HOXD1: variants seen among roughly 807,000 people sequenced by gnomAD.
The protein encoded by HOXD1 is homeobox D1.
In HOXD1, 17 loss-of-function variants were observed where a neutral mutation model predicts 19.9. The ratio of observed to expected loss-of-function variants is 0.85; its 90% CI spans 0.58 to 1.28. The LOEUF (loss-of-function observed/expected upper bound fraction) is 1.28, where lower values mean the gene tolerates loss of function less well. HOXD1 is among the 50% of genes most tolerant of loss of function. The pLI, the probability that HOXD1 is intolerant of heterozygous loss-of-function variation, is 0.00. For synonymous variants in HOXD1, 239 were observed against 216.0 expected (o/e 1.11, Z -0.93); for missense variants, 500 against 460.1 (o/e 1.09, Z -0.79).
Position 176,189,248 on chromosome 2 carries a change from C to A in HOXD1, c.447C>A (p.Ser149Arg), listed in dbSNP as rs761505327. The A allele has an allele frequency of 1.3e-6, 2 of 1,597,166 alleles. No homozygotes were observed. Among genetic ancestry groups the A allele is most frequent in the Non-Finnish European group, 1.7e-6 (2 of 1,172,724 alleles). The stretch of plus-strand genomic sequence containing the variant: ...CGGGCGGCGGCTCTTTCCTCCTCAG[C>A]GGCCAGGTGGATTACGCGGCCTTCG... ...VFSGGGSFLLSGQVDYAAFGE... is the reference protein window; with the variant it reads ...VFSGGGSFLLRGQVDYAAFGE... Residue 149 changes from serine (S) to arginine (R), a missense_variant, in exon 1 of 2, where the codon AGC (serine) becomes AGA (arginine). Coordinates refer to ENST00000331462, the MANE Select transcript of HOXD1 (RefSeq NM_024501.3).
In HOXD1 at chr2:176,190,285, A is replaced by G. The variant is rs1202694218; in HGVS notation, c.*143A>G. 2 of 624,090 alleles carry G rather than the reference A, an allele frequency of 3.2e-6. No homozygotes were observed. The highest frequency in any genetic ancestry group is 1.8e-5 in the African/African-American group (1 of 54,112). 38.7% of individuals were successfully genotyped at this position (624,090 alleles called of 1,614,324 possible). A position where few individuals can be genotyped will look rare whatever the true frequency, so the allele number is the denominator to read the frequency against. Reference sequence around the variant, plus strand: ...TTTCACTTGGGAAATGAAGTACTTTAGTTGGCTTCCGAGTTCCAGACTATA... The same window carrying G: ...TTTCACTTGGGAAATGAAGTACTTTGGTTGGCTTCCGAGTTCCAGACTATA... On this transcript the variant is annotated 3_prime_UTR_variant, in exon 2 of 2. Transcript: ENST00000331462.
At position 176,189,931 on chromosome 2, in the gene HOXD1, G is replaced by T; in HGVS notation, c.776G>T (p.Arg259Leu). ...HFNKYLTRAR[R>L]IEIANCLHLN... is the part of the protein sequence containing the mutation. Reference sequence around the variant, plus strand: ...AATAAGTACTTAACTCGAGCCCGGCGCATCGAGATAGCCAACTGCTTGCAC... The same window carrying T: ...AATAAGTACTTAACTCGAGCCCGGCTCATCGAGATAGCCAACTGCTTGCAC... Residue 259 changes from arginine to leucine, a missense_variant, in exon 2 of 2, where the codon CGC becomes CTC. Transcript: ENST00000331462. The T allele has an allele frequency of 1.9e-6, 3 of 1,614,108 alleles. No individual in the cohort carries two copies. Among genetic ancestry groups the T allele is most frequent in the African/African-American group, 1.3e-5 (1 of 75,022 alleles).
rs1192139737 is a variant in HOXD1, at chr2:176,189,040, C to T, written c.239C>T (p.Pro80Leu). The change falls in exon 1 of 2, where the codon CCC becomes CTC. Residue 80 changes from proline to leucine, a missense_variant. By Grantham distance (98) the Pro-to-Leu change is moderately conservative. Transcript: ENST00000331462. ...ARPSVPPPAA[P>L]QYAQCTLEGA... ...CCGTCCGTACCGCCTCCGGCCGCGC[C>T]CCAGTACGCGCAGTGCACCCTGGAG... 4 of 1,416,174 alleles carry T rather than the reference C, an allele frequency of 2.8e-6. No individual in the cohort carries two copies. The highest frequency in any genetic ancestry group is 3.6e-6 in the Non-Finnish European group (4 of 1,100,698). 87.7% of individuals were successfully genotyped at this position (1,416,174 alleles called of 1,614,324 possible).
chr2:176,189,194 C>G lies in HOXD1; in HGVS notation c.393C>G (p.His131Gln), dbSNP rs1435122217. The G allele has an allele frequency of 6.3e-6, 10 of 1,577,452 alleles. No individual in the cohort carries two copies. Among genetic ancestry groups the G allele is most frequent in the East Asian group, 2.3e-5 (1 of 42,990 alleles). The part of the protein sequence containing the change: ...LGRAADDGGS[H>Q]VHYATSAVFS... ...GGGCGGCCGACGACGGCGGGTCTCA[C>G]GTCCACTACGCCACCTCGGCCGTCT... is the stretch of plus-strand genomic sequence containing the variant. The change falls in exon 1 of 2, where the codon CAC (histidine) becomes CAG (glutamine). Residue 131 changes from histidine to glutamine, a missense_variant. Transcript: ENST00000331462.
In HOXD1 at chr2:176,188,825, G is replaced by A; in HGVS notation, c.24G>A (p.Val8=). The A allele has an allele frequency of 6.2e-7, 1 of 1,608,984 alleles. No individual in the cohort carries two copies. The highest frequency in any genetic ancestry group is 8.5e-7 in the Non-Finnish European group (1 of 1,178,334). The change falls in exon 1 of 2, where the codon GTG becomes GTA. Residue 8 remains valine (V), a synonymous_variant. Transcript: ENST00000331462. MSSYLEY[V]SCSSSGGVGG... Reference sequence around the variant, plus strand: ...CCATGAGCTCCTACCTGGAGTACGTGTCATGCAGCAGCAGCGGCGGGGTCG... The same window carrying A: ...CCATGAGCTCCTACCTGGAGTACGTATCATGCAGCAGCAGCGGCGGGGTCG...
chr2:176,189,496 C>G lies in HOXD1; in HGVS notation c.652+43C>G, dbSNP rs370143100. 2.3e-5 allele frequency: 37 copies of G among 1,612,236 alleles called. No homozygotes were observed. In the African/African-American group the frequency reaches 4.8e-4, roughly 21 times the overall value. ...GGATGGGGCCACCTGGGGTTGGGGA[C>G]GGAGCCTCCCCCGCGGAAATGCGCT... On this transcript the variant is annotated intron_variant, in intron 1 of 1. Transcript: ENST00000331462.
rs750247936 is a variant in HOXD1 at position 176,188,892 on chromosome 2, G to A, written c.91G>A (p.Asp31Asn). Residue 31 changes from aspartate (D) to asparagine (N), a missense_variant, in exon 1 of 2, where the codon GAC (aspartate) becomes AAC (asparagine). Transcript: ENST00000331462. ...CTTGGCACCCAAGTTCTGCCGCTCC[G>A]ACGCCCGGCCCGTGGCTCTGCAGCC... ...LSLAPKFCRS[D>N]ARPVALQPAF... 18 of 1,593,458 alleles carry A rather than the reference G, an allele frequency of 1.1e-5. No individual in the cohort carries two copies. Among genetic ancestry groups the A allele is most frequent in the East Asian group, 2.3e-5 (1 of 43,854 alleles).
In HOXD1 at chr2:176,188,691, C is replaced by A; in HGVS notation, c.-111C>A. 8.8e-7 allele frequency: 1 copy of A among 1,140,746 alleles called. No homozygotes were observed. The highest frequency in any genetic ancestry group is 1.3e-6 in the Non-Finnish European group (1 of 782,126). 70.7% of individuals were successfully genotyped at this position (1,140,746 alleles called of 1,614,324 possible). On this transcript the variant is annotated 5_prime_UTR_variant, in exon 1 of 2. Coordinates refer to ENST00000331462, the MANE Select transcript of HOXD1 (RefSeq NM_024501.3). ...TCGCCATGGGTTGGAGAGGGCAGCT[C>A]GGGTAGAGAGGGCTGGCGGAGCGGC... is the stretch of plus-strand genomic sequence containing the variant.
Position 176,189,888 on chromosome 2 carries a change from G to GCC in HOXD1, c.733_734insCC (p.Glu245AlafsTer11). On this transcript the variant is annotated frameshift_variant, in exon 2 of 2. Coordinates refer to ENST00000331462, the MANE Select transcript of HOXD1 (RefSeq NM_024501.3). LOFTEE classifies it high-confidence loss of function. Reference sequence around the variant, plus strand: ...CAGCACCAAGCAACTGACAGAACTGGAAAAAGAGTTTCATTTCAATAAGTA... The same window carrying GCC: ...CAGCACCAAGCAACTGACAGAACTGGCCAAAAAGAGTTTCATTTCAATAAGTA... 6.2e-7 allele frequency: 1 copy of GCC among 1,614,162 alleles called. No homozygotes were observed. Among genetic ancestry groups the GCC allele is most frequent in the South Asian group, 1.1e-5 (1 of 91,074 alleles).
Position 176,188,883 on chromosome 2 carries a change from T to C in HOXD1, c.82T>C (p.Cys28Arg). 1.3e-6 allele frequency: 2 copies of C among 1,597,954 alleles called. No individual in the cohort carries two copies. The highest frequency in any genetic ancestry group is 1.7e-6 in the Non-Finnish European group (2 of 1,175,640). The change falls in exon 1 of 2, where the codon TGC becomes CGC. Residue 28 changes from cysteine to arginine, a missense_variant. By Grantham distance (180) the Cys-to-Arg change is radical. Transcript: ENST00000331462. The stretch of plus-strand genomic sequence containing the variant: ...CGTGCTCAGCTTGGCACCCAAGTTC[T>C]GCCGCTCCGACGCCCGGCCCGTGGC... ...GDVLSLAPKF[C>R]RSDARPVALQ...
In HOXD1 at chr2:176,190,007, G is replaced by A. The variant is rs368491456; in HGVS notation, c.852G>A (p.Gln284=). 17 of 1,613,974 alleles carry A rather than the reference G, an allele frequency of 1.1e-5. No individual in the cohort carries two copies. The East Asian group carries it at 2.5e-4, about 23-fold the overall frequency. Residue 284 remains glutamine (Q), a synonymous_variant, in exon 2 of 2, where the codon CAG becomes CAA. Coordinates refer to ENST00000331462, the MANE Select transcript of HOXD1 (RefSeq NM_024501.3). ...KIWFQNRRMK[Q]KKREREGLLA... is the part of the protein sequence containing the mutation. Reference sequence around the variant, plus strand: ...GGTTCCAGAACCGCAGGATGAAACAGAAGAAAAGGGAACGAGAAGGGCTTC... The same window carrying A: ...GGTTCCAGAACCGCAGGATGAAACAAAAGAAAAGGGAACGAGAAGGGCTTC...
In HOXD1 at chr2:176,189,059, C is replaced by T; in HGVS notation, c.258C>T (p.Thr86=). ...PPAAPQYAQC[T]LEGAYEPGAA... ...CCGCGCCCCAGTACGCGCAGTGCACCCTGGAGGGGGCCTACGAACCTGGTG... is the reference window on the plus strand; with the variant it reads ...CCGCGCCCCAGTACGCGCAGTGCACTCTGGAGGGGGCCTACGAACCTGGTG... Residue 86 remains threonine (T), a synonymous_variant, in exon 1 of 2, where the codon ACC becomes ACT. Transcript: ENST00000331462. The T allele has an allele frequency of 1.4e-6, 2 of 1,473,854 alleles. No individual in the cohort carries two copies. The highest frequency in any genetic ancestry group is 1.8e-6 in the Non-Finnish European group (2 of 1,122,584). 91.3% of individuals were successfully genotyped at this position (1,473,854 alleles called of 1,614,324 possible).
At position 176,190,869 on chromosome 2, in the gene HOXD1, G is replaced by T. The variant is rs957871872; in HGVS notation, c.*727G>T. 1.3e-5 allele frequency: 2 copies of T among 152,510 alleles called. No homozygotes were observed. Among genetic ancestry groups the T allele is most frequent in the African/African-American group, 2.4e-5 (1 of 41,376 alleles). The allele number at this position is 152,510 out of a possible 1,614,324, so 9.4% of individuals were successfully genotyped here. On this transcript the variant is annotated 3_prime_UTR_variant, in exon 2 of 2. Coordinates refer to ENST00000331462, the MANE Select transcript of HOXD1 (RefSeq NM_024501.3). The stretch of plus-strand genomic sequence containing the variant: ...TAAGTGACATTTAATGTCATAGCAT[G>T]TAAAGGGTTTTTTTTGTAATAAAAA...
rs764299452 is a variant in HOXD1 at position 176,188,885 on chromosome 2, C to T, written c.84C>T (p.Cys28=). 4.7e-5 allele frequency: 75 copies of T among 1,596,492 alleles called. No individual in the cohort carries two copies. Among genetic ancestry groups the T allele is most frequent in the Non-Finnish European group, 6.2e-5 (73 of 1,175,278 alleles). ...TGCTCAGCTTGGCACCCAAGTTCTG[C>T]CGCTCCGACGCCCGGCCCGTGGCTC... ...GDVLSLAPKF[C]RSDARPVALQ... The change falls in exon 1 of 2, where the codon TGC becomes TGT. Residue 28 remains cysteine, a synonymous_variant. Coordinates refer to ENST00000331462, the MANE Select transcript of HOXD1 (RefSeq NM_024501.3).
In HOXD1 at chr2:176,189,387, T is replaced by C. The variant is rs147120298; in HGVS notation, c.586T>C (p.Ser196Pro). 117 of 1,612,962 alleles carry C rather than the reference T, an allele frequency of 7.3e-5. No individual in the cohort carries two copies. In the African/African-American group the frequency reaches 1.4e-3, roughly 20 times the overall value. The change falls in exon 1 of 2, where the codon TCC (serine) becomes CCC (proline). Residue 196 changes from serine to proline, a missense_variant. By Grantham distance (74) the Ser-to-Pro change is moderately conservative. Transcript: ENST00000331462. ...CTACCCCAAGTCCGTCTCTCCCGCC[T>C]CCGGCCTCCCTGCCGCCTTCAGCAC... ...GTYPKSVSPA[S>P]GLPAAFSTFE...
Position 176,190,179 on chromosome 2 carries a change from A to T in HOXD1, c.*37A>T. 1 of 1,431,728 alleles carries T rather than the reference A, an allele frequency of 7.0e-7. No individual in the cohort carries two copies. Among genetic ancestry groups the T allele is most frequent in the Non-Finnish European group, 9.6e-7 (1 of 1,045,726 alleles). 88.7% of individuals were successfully genotyped at this position (1,431,728 alleles called of 1,614,324 possible). ...GGGGCCGAAAAACTGTGGCCTGCAG[A>T]AGTCCCAGGCGACCCCCATCCCTAT... On this transcript the variant is annotated 3_prime_UTR_variant, in exon 2 of 2. Coordinates refer to ENST00000331462, the MANE Select transcript of HOXD1 (RefSeq NM_024501.3).
rs759559182 is a variant in HOXD1, at chr2:176,188,965, C to T, written c.164C>T (p.Pro55Leu). The T allele has an allele frequency of 1.2e-5, 18 of 1,502,240 alleles. No homozygotes were observed. In the Admixed American group the frequency reaches 3.2e-4, roughly 27 times the overall value. 93.1% of individuals were successfully genotyped at this position (1,502,240 alleles called of 1,614,324 possible). ...NGDGAFVSCLPLAAARPSPSP... is the reference protein window; with the variant it reads ...NGDGAFVSCLLLAAARPSPSP... ...GACGGCGCCTTCGTCAGCTGTCTGC[C>T]CCTGGCCGCCGCCCGACCCTCGCCT... Residue 55 changes from proline (P) to leucine (L), a missense_variant, in exon 1 of 2, where the codon CCC becomes CTC. Pro to Leu is a moderately conservative substitution (Grantham distance 98). Coordinates refer to ENST00000331462, the MANE Select transcript of HOXD1 (RefSeq NM_024501.3).
Position 176,189,987 on chromosome 2 carries a change from C to T in HOXD1, c.832C>T (p.Gln278Ter), listed in dbSNP as rs1691761094. 1.2e-6 allele frequency: 2 copies of T among 1,614,004 alleles called. No individual in the cohort carries two copies. Among genetic ancestry groups the T allele is most frequent in the Non-Finnish European group, 1.7e-6 (2 of 1,180,032 alleles). The change falls in exon 2 of 2, where the codon CAG (glutamine) becomes TAG (stop). Residue 278 changes from glutamine to a stop codon, truncating the protein, a stop_gained. Coordinates refer to ENST00000331462, the MANE Select transcript of HOXD1 (RefSeq NM_024501.3). LOFTEE classifies it high-confidence loss of function. ...TGACACGCAAGTCAAAATCTGGTTC[C>T]AGAACCGCAGGATGAAACAGAAGAA... ...LNDTQVKIWF[Q>*]NRRMKQKKRE...
Position 176,189,098 on chromosome 2 carries a change from G to A in HOXD1, c.297G>A (p.Ala99=). The A allele has an allele frequency of 6.6e-7, 1 of 1,520,354 alleles. No homozygotes were observed. The highest frequency in any genetic ancestry group is 8.8e-7 in the Non-Finnish European group (1 of 1,142,630). 94.2% of individuals were successfully genotyped at this position (1,520,354 alleles called of 1,614,324 possible). A position where few individuals can be genotyped will look rare whatever the true frequency, so the allele number is the denominator to read the frequency against. Residue 99 remains alanine (A), a synonymous_variant, in exon 1 of 2, where the codon GCG becomes GCA. Transcript: ENST00000331462. ...ACGAACCTGGTGCCGCACCTGCCGC[G>A]GCAGCTGGGGGCGCGGACTACGGCT... ...GAYEPGAAPA[A]AAGGADYGFL...
Sources: gnomAD v4.1 joint callset for allele counts on GRCh38, gnomAD v4.1.1 for gene constraint, MANE v1.5 for transcripts, NCBI Gene and HGNC (gene_info 2026-07-23, HGNC 2026-07-21) for gene names.